Variants in HTR1E observed in about 807,000 individuals in gnomAD.
HTR1E encodes 5-hydroxytryptamine receptor 1E, also known as 5-HT-1E.
A neutral mutation model predicts 3.4 loss-of-function variants in HTR1E; 3 were observed. That is an observed-to-expected ratio of 0.89 (90% confidence interval 0.41 to 2.31). The LOEUF (loss-of-function observed/expected upper bound fraction) is 2.31. HTR1E is among the 30% of genes most tolerant of loss of function. The pLI is 0.05. For synonymous variants in HTR1E, 170 were observed against 182.8 expected, an observed-to-expected ratio of 0.93 and a Z score of 0.56; for missense variants, 392 against 467.0, an observed-to-expected ratio of 0.84 and a Z score of 1.48.
intron 1 of HTR1E, among the ~76,000 whole-genome samples, chr6:86,949,709 A>G (rs1237881871): frequency 1.3e-5 from 2 of 152,028 alleles, no homozygotes; most frequent in Non-Finnish European, 2.9e-5. Context: ...TTTTATTATA[A>G]TAAGTTTAAT....
chr6:86,993,296 G>T (rs370359784), intron 1 of HTR1E, among the ~76,000 whole-genome samples: 1 of 151,860 alleles, frequency 6.6e-6, no homozygotes, highest in East Asian at 1.9e-4. Flanking sequence ...TGGTATAAAT[G>T]TATCTCATTG....
intron 1 of HTR1E, among the ~76,000 whole-genome samples, chr6:86,971,974 G>T (rs934991291): frequency 6.6e-6 from 1 of 152,132 alleles, no homozygotes; most frequent in Non-Finnish European, 1.5e-5. Context: ...CTACAAGGCA[G>T]ATAACCCACA....
In HTR1E at chr6:86,969,838, C is replaced by T. The variant is rs141834851; in HGVS notation, c.-186+32015C>T. ...GAGTGGTTCAGGGATTGGCATGTGCCCAAGGAGAGCTAATGTGACACAGTG... is the reference window on the plus strand; with the variant it reads ...GAGTGGTTCAGGGATTGGCATGTGCTCAAGGAGAGCTAATGTGACACAGTG... On this transcript the variant is annotated intron_variant, in intron 1 of 1. Transcript: ENST00000305344. 2.2e-4 allele frequency among the ~76,000 whole-genome samples: 33 copies of T among 152,186 alleles called. No homozygotes were observed. In the East Asian group the frequency reaches 5.8e-3, roughly 27 times the overall value.
At chr6:86,941,194 T>C (rs1458266716) in intron 1 of HTR1E, among the ~76,000 whole-genome samples, 1 of 152,218 alleles carries the variant, frequency 6.6e-6, no homozygotes, top group Non-Finnish European at 1.5e-5. Flanking sequence ...AGGACTTTCA[T>C]CAAAATCCCA....
At chr6:87,010,862 C>T (rs147181998) in intron 1 of HTR1E, among the ~76,000 whole-genome samples, 8 of 152,152 alleles carry the variant, frequency 5.3e-5, no homozygotes, top group African/African-American at 7.2e-5. Context: ...TCCCGGGCGG[C>T]GCTCGCCGGC....
intron 1 of HTR1E, among the ~76,000 whole-genome samples, chr6:87,000,734 C>A (rs536501852): frequency 2.6e-5 from 4 of 152,206 alleles, no homozygotes; most frequent in Admixed American, 6.5e-5. Flanking sequence ...CAGACCTGTC[C>A]TGCAAGAAAT....
chr6:86,947,603 T>C (rs939070577), intron 1 of HTR1E, among the ~76,000 whole-genome samples: 1 of 152,106 alleles, frequency 6.6e-6, no homozygotes, highest in Admixed American at 6.5e-5. Flanking sequence ...ATTTCTGCCT[T>C]AGTGCTTTCC....
At chr6:87,001,946 C>T (rs1378355673) in intron 1 of HTR1E, among the ~76,000 whole-genome samples, 5 of 151,716 alleles carry the variant, frequency 3.3e-5, no homozygotes, top group African/African-American at 1.2e-4. Flanking sequence ...CCAATGGAAA[C>T]CAAAAAAGAT....
At chr6:87,001,882 T>C (rs1030668926) in intron 1 of HTR1E, among the ~76,000 whole-genome samples, 1 of 152,130 alleles carries the variant, frequency 6.6e-6, no homozygotes. Flanking sequence ...TTCAACTTCA[T>C]CTATAAGGAT....
chr6:86,943,893 G>A (rs545747716), intron 1 of HTR1E, among the ~76,000 whole-genome samples: 1 of 152,178 alleles, frequency 6.6e-6, no homozygotes. Flanking sequence ...TTGGGAATCT[G>A]GGTATGGCTT....
chr6:86,998,812 T>G (rs1378087738), intron 1 of HTR1E, among the ~76,000 whole-genome samples: 1 of 151,854 alleles, frequency 6.6e-6, no homozygotes, highest in Non-Finnish European at 1.5e-5. Context: ...AATTGAAAAA[T>G]TATTACTTAG....
chr6:86,973,349 T>C (rs1164367321), intron 1 of HTR1E, among the ~76,000 whole-genome samples: 1 of 151,770 alleles, frequency 6.6e-6, no homozygotes, highest in Non-Finnish European at 1.5e-5. Context: ...TGTGTCTGTG[T>C]GTGTAGCTGA....
chr6:86,947,695 CTAAT>C (rs1368616422), intron 1 of HTR1E, among the ~76,000 whole-genome samples: 1 of 152,012 alleles, frequency 6.6e-6, no homozygotes, highest in African/African-American at 2.4e-5. Flanking sequence ...TCTGCTTTCT[CTAAT>C]TAACATTATT....
At chr6:86,990,168 T>C (rs1767853003) in intron 1 of HTR1E, among the ~76,000 whole-genome samples, 2 of 152,124 alleles carry the variant, frequency 1.3e-5, no homozygotes, top group South Asian at 4.1e-4. Context: ...CTCTGAGGAG[T>C]TTCCTACTTC....
intron 1 of HTR1E, among the ~76,000 whole-genome samples, chr6:86,953,708 G>T (rs560397615): frequency 6.6e-6 from 1 of 152,178 alleles, no homozygotes; most frequent in Admixed American, 6.5e-5. Flanking sequence ...AAAACAGATT[G>T]TATTAGTCTG....
At chr6:86,986,123 C>G (rs1294237825) in intron 1 of HTR1E, among the ~76,000 whole-genome samples, 1 of 152,170 alleles carries the variant, frequency 6.6e-6, no homozygotes, top group African/African-American at 2.4e-5. Flanking sequence ...TCCTAAACAT[C>G]TGGAGAATTG....
At chr6:87,014,453 T>C (rs1198284691) in intron 1 of HTR1E, among the ~76,000 whole-genome samples, 1 of 152,140 alleles carries the variant, frequency 6.6e-6, no homozygotes, top group Non-Finnish European at 1.5e-5. Context: ...ATCCTATTAC[T>C]GGGTATATAC....
chr6:87,009,375 GGGGCAAGGTCACA>G (rs1335580193), intron 1 of HTR1E, among the ~76,000 whole-genome samples: 3 of 151,910 alleles, frequency 2.0e-5, no homozygotes, highest in African/African-American at 7.3e-5. Flanking sequence ...CACAGGGTTG[GGGGCAAGGTCACA>G]GATCAACAGG....
chr6:86,940,822 A>G (rs1267476218), intron 1 of HTR1E, among the ~76,000 whole-genome samples: 1 of 152,236 alleles, frequency 6.6e-6, no homozygotes, highest in East Asian at 1.9e-4. Context: ...ACTGATCAAA[A>G]GCTGAATTTC....
Sources: gnomAD v4.1 joint callset for allele counts (sites outside exome capture counted in the v4.1 genomes callset) on GRCh38, gnomAD v4.1.1 for gene constraint, MANE v1.5 for transcripts, NCBI Gene and HGNC (gene_info 2026-07-23, HGNC 2026-07-21) for gene names.